Variants in SGCZ observed in about 807,000 individuals in gnomAD.
SGCZ encodes the protein sarcoglycan zeta, also known as zeta-sarcoglycan.
SGCZ carries 40 observed loss-of-function variants against 41.3 expected under a neutral mutation model. That is an observed-to-expected ratio of 0.97 (90% CI 0.75 to 1.26). The LOEUF (loss-of-function observed/expected upper bound fraction) is 1.26. Ranked by LOEUF, SGCZ falls within the 50% of genes most tolerant of loss-of-function variation. The pLI, the probability that SGCZ is intolerant of heterozygous loss-of-function variation, is 0.00. For synonymous variants in SGCZ, 206 were observed against 137.5 expected, an observed-to-expected ratio of 1.50 and a Z score of -3.49; for missense variants, 552 against 369.8, an observed-to-expected ratio of 1.49 and a Z score of -4.04.
At chr8:14,242,915 T>G (rs1237798071) in intron 3 of SGCZ, among the ~76,000 whole-genome samples, 1 of 152,204 alleles carries the variant, frequency 6.6e-6, no homozygotes, top group East Asian at 1.9e-4. Context: ...ACTTTAAAAT[T>G]TCTTTAAGCA....
intron 2 of SGCZ, among the ~76,000 whole-genome samples, chr8:14,360,337 T>C (rs1055115165): frequency 1.3e-5 from 2 of 152,026 alleles, no homozygotes; most frequent in Non-Finnish European, 2.9e-5. Context: ...TTGTAATTTT[T>C]TTTTTTTTCT....
At chr8:15,040,784 T>A (rs949187315) in intron 1 of SGCZ, among the ~76,000 whole-genome samples, 3 of 152,228 alleles carry the variant, frequency 2.0e-5, no homozygotes, top group Non-Finnish European at 4.4e-5. Flanking sequence ...TAGGGTGAGC[T>A]GCACTTTTTT....
intron 2 of SGCZ, among the ~76,000 whole-genome samples, chr8:14,387,662 A>G (rs189712982): frequency 1.3e-5 from 2 of 152,216 alleles, no homozygotes; most frequent in African/African-American, 4.8e-5. Flanking sequence ...CTTTAAAAAC[A>G]CTTTTCTGAA....
At chr8:15,092,482 T>C (rs1194929393) in intron 1 of SGCZ, among the ~76,000 whole-genome samples, 1 of 152,218 alleles carries the variant, frequency 6.6e-6, no homozygotes, top group East Asian at 1.9e-4. Context: ...CTAGCCTGAG[T>C]ATTAAATCAT....
chr8:14,714,253 C>T (rs1809616566), intron 1 of SGCZ, among the ~76,000 whole-genome samples: 1 of 152,100 alleles, frequency 6.6e-6, no homozygotes, highest in African/African-American at 2.4e-5. Context: ...AGGCATGAGC[C>T]ACCGTGTCCG....
chr8:14,655,806 G>A (rs150315256), intron 1 of SGCZ, among the ~76,000 whole-genome samples: 2 of 152,130 alleles, frequency 1.3e-5, no homozygotes, highest in Non-Finnish European at 2.9e-5. Context: ...CCAATAATCT[G>A]TCCTCCCTTT....
chr8:14,379,569 T>G (rs1286243512), intron 2 of SGCZ, among the ~76,000 whole-genome samples: 1 of 152,106 alleles, frequency 6.6e-6, no homozygotes, highest in Non-Finnish European at 1.5e-5. Context: ...ATAAAATTCA[T>G]GAAATCCACA....
chr8:14,959,473 G>C (rs986477628), intron 1 of SGCZ, among the ~76,000 whole-genome samples: 11 of 152,078 alleles, frequency 7.2e-5, no homozygotes, highest in African/African-American at 2.7e-4. Context: ...TAGTATATCA[G>C]CCATAACTTT....
intron 3 of SGCZ, among the ~76,000 whole-genome samples, chr8:14,317,972 GAA>G (rs879812124): frequency 7.0e-6 from 1 of 143,650 alleles, no homozygotes; most frequent in African/African-American, 2.6e-5. Flanking sequence ...CTACCAATTA[GAA>G]AAAAAAAAAA....
At chr8:14,429,267 T>G (rs1438098342) in intron 2 of SGCZ, among the ~76,000 whole-genome samples, 2 of 152,168 alleles carry the variant, frequency 1.3e-5, no homozygotes, top group Admixed American at 6.5e-5. Context: ...CAATGCTGGA[T>G]GTGAGGCTGG....
intron 1 of SGCZ, among the ~76,000 whole-genome samples, chr8:15,078,127 G>A (rs553962557): frequency 7.0e-6 from 1 of 142,766 alleles, no homozygotes; most frequent in African/African-American, 2.7e-5. Context: ...TGAGGTGACA[G>A]CCTGTTGGCA....
intron 1 of SGCZ, among the ~76,000 whole-genome samples, chr8:14,975,903 TAC>T (rs1216852273): frequency 2.0e-5 from 3 of 147,680 alleles, no homozygotes; most frequent in African/African-American, 7.4e-5. Context: ...CACATATATA[TAC>T]ACACACATAT....
At chr8:14,246,339 C>G (rs1001444400) in intron 3 of SGCZ, among the ~76,000 whole-genome samples, 1 of 151,730 alleles carries the variant, frequency 6.6e-6, no homozygotes, top group African/African-American at 2.4e-5. Flanking sequence ...AGTAAACTAT[C>G]GCAAGGACAA....
intron 4 of SGCZ, among the ~76,000 whole-genome samples, chr8:14,191,586 C>A (rs1010755616): frequency 6.6e-6 from 1 of 152,144 alleles, no homozygotes; most frequent in African/African-American, 2.4e-5. Context: ...CAACTTACAT[C>A]TCACTGTGTA....
At chr8:14,394,237 G>C (rs1319768549) in intron 2 of SGCZ, among the ~76,000 whole-genome samples, 1 of 143,646 alleles carries the variant, frequency 7.0e-6, no homozygotes, top group South Asian at 2.2e-4. Context: ...TGCAACCTCT[G>C]CCTCCCAGGT....
chr8:14,434,539 T>A (rs543191012), intron 2 of SGCZ, among the ~76,000 whole-genome samples: 204 of 152,306 alleles, frequency 1.3e-3, no homozygotes, highest in Admixed American at 2.3e-3. Context: ...TTGCATTGAA[T>A]CTGTAGATTG....
At chr8:14,523,415 T>C (rs926351978) in intron 2 of SGCZ, among the ~76,000 whole-genome samples, 1 of 152,028 alleles carries the variant, frequency 6.6e-6, no homozygotes, top group Admixed American at 6.6e-5. Flanking sequence ...CATTCTTGAG[T>C]GATGTTTTAA....
intron 1 of SGCZ, among the ~76,000 whole-genome samples, chr8:14,574,199 G>A (rs1023281320): frequency 6.6e-6 from 1 of 152,098 alleles, no homozygotes; most frequent in Non-Finnish European, 1.5e-5. Flanking sequence ...TGCGGATGTT[G>A]GGGCTCAGAA....
At chr8:14,674,929 T>G (rs73525563) in intron 1 of SGCZ, among the ~76,000 whole-genome samples, 7 of 15,964 alleles carry the variant, frequency 4.4e-4, no homozygotes, top group East Asian at 5.4e-3. Context: ...TTCTTTTCTG[T>G]TTTTTTTTTT....
Sources: gnomAD v4.1 joint callset for allele counts (sites outside exome capture counted in the v4.1 genomes callset) on GRCh38, gnomAD v4.1.1 for gene constraint, MANE v1.5 for transcripts, NCBI Gene and HGNC (gene_info 2026-07-23, HGNC 2026-07-21) for gene names.